The following LRRTM4 variants were observed in gnomAD, a reference collection of about 807,000 sequenced individuals.
The protein encoded by LRRTM4 is leucine-rich repeat transmembrane neuronal protein 4.
LRRTM4 carries 25 observed loss-of-function variants against 47.6 expected under a neutral mutation model. That is an observed-to-expected ratio of 0.53 (90% CI 0.38 to 0.73). LRRTM4 has a LOEUF of 0.73. Among genes scored for constraint, LRRTM4 ranks in the 30% least tolerant of loss-of-function variants. LRRTM4 has a pLI of 0.00. For missense variants in LRRTM4, 638 were observed against 713.4 expected, an observed-to-expected ratio of 0.89 and a Z score of 1.20; for synonymous variants, 311 against 269.5, an observed-to-expected ratio of 1.15 and a Z score of -1.51.
chr2:76,997,493 GA>G (rs1031131432), intron 3 of LRRTM4, among the ~76,000 whole-genome samples: 7 of 152,054 alleles, frequency 4.6e-5, no homozygotes, highest in African/African-American at 1.7e-4. Context: ...AAAATGGTGT[GA>G]CAAAATTGAG....
chr2:77,333,965 A>C (rs761014538), intron 3 of LRRTM4, among the ~76,000 whole-genome samples: 77 of 152,304 alleles, frequency 5.1e-4, no homozygotes, highest in South Asian at 1.2e-3. Context: ...TTGCATCAAC[A>C]TGACCTGAAT....
intron 3 of LRRTM4, among the ~76,000 whole-genome samples, chr2:76,834,189 C>T (rs56241808): frequency 0.27 from 40,803 of 150,390 alleles, 5,884 homozygotes; most frequent in East Asian, 0.41. Context: ...TACAGGTGCC[C>T]GCCAGCATGC....
intron 3 of LRRTM4, among the ~76,000 whole-genome samples, chr2:77,411,158 C>A (rs1674405168): frequency 1.3e-5 from 2 of 152,042 alleles, no homozygotes; most frequent in African/African-American, 4.8e-5. Flanking sequence ...CAGATTCAGG[C>A]CCCTTCTTCA....
chr2:77,240,350 C>T (rs1051493995), intron 3 of LRRTM4, among the ~76,000 whole-genome samples: 1 of 151,918 alleles, frequency 6.6e-6, no homozygotes, highest in Non-Finnish European at 1.5e-5. Context: ...CCAAGTTAAA[C>T]ATCAATTCAT....
chr2:76,978,171 T>C (rs1446714), intron 3 of LRRTM4, among the ~76,000 whole-genome samples: 63,027 of 151,790 alleles, frequency 0.42, 15,996 homozygotes, highest in African/African-American at 0.71. Flanking sequence ...TTCTCCCCCT[T>C]GGCCTACAAA....
chr2:76,761,760 T>A (rs972248030), intron 3 of LRRTM4, among the ~76,000 whole-genome samples: 3 of 152,108 alleles, frequency 2.0e-5, no homozygotes, highest in Non-Finnish European at 4.4e-5. Context: ...AGCGATAAAT[T>A]TAAAGGAAAA....
intron 3 of LRRTM4, among the ~76,000 whole-genome samples, chr2:77,111,562 G>A (rs1297660443): frequency 6.6e-6 from 1 of 152,060 alleles, no homozygotes; most frequent in African/African-American, 2.4e-5. Context: ...TATGAGTAGG[G>A]TGACAAAGTC....
intron 3 of LRRTM4, among the ~76,000 whole-genome samples, chr2:77,071,942 G>A (rs1680167910): frequency 6.6e-6 from 1 of 152,112 alleles, no homozygotes; most frequent in South Asian, 2.1e-4. Context: ...GTGGTATAAA[G>A]TATGAGAATT....
intron 3 of LRRTM4, among the ~76,000 whole-genome samples, chr2:77,485,705 A>AGGAGGCT (rs1437928561): frequency 1.3e-4 from 20 of 152,274 alleles, no homozygotes; most frequent in African/African-American, 4.8e-4. Context: ...CTTCTCTCAT[A>AGGAGGCT]CACTTCTTCA....
intron 3 of LRRTM4, among the ~76,000 whole-genome samples, chr2:77,511,761 T>G: frequency 6.6e-6 from 1 of 152,092 alleles, no homozygotes; most frequent in East Asian, 1.9e-4. Flanking sequence ...TTAAATATTT[T>G]ATTAATATGT....
intron 3 of LRRTM4, among the ~76,000 whole-genome samples, chr2:76,933,535 G>A (rs1674842695): frequency 6.6e-6 from 1 of 152,000 alleles, no homozygotes; most frequent in South Asian, 2.1e-4. Context: ...TTTTAGAATT[G>A]TTTACTAAAG....
intron 3 of LRRTM4, among the ~76,000 whole-genome samples, chr2:77,437,811 C>A (rs1030470290): frequency 6.6e-6 from 1 of 151,908 alleles, no homozygotes; most frequent in Non-Finnish European, 1.5e-5. Flanking sequence ...TAAATAAAGA[C>A]CTATTTGCTG....
intron 3 of LRRTM4, among the ~76,000 whole-genome samples, chr2:76,971,904 C>T (rs1280848913): frequency 6.6e-6 from 1 of 151,918 alleles, no homozygotes; most frequent in African/African-American, 2.4e-5. Flanking sequence ...TAGTTATTTG[C>T]TTCTCTATAA....
intron 3 of LRRTM4, among the ~76,000 whole-genome samples, chr2:77,070,488 G>C (rs1680115426): frequency 6.8e-6 from 1 of 146,986 alleles, no homozygotes; most frequent in East Asian, 2.3e-4. Context: ...TTGCAGAAAA[G>C]CAAACTAAAA....
chr2:77,489,322 C>G (rs1294385859), intron 3 of LRRTM4, among the ~76,000 whole-genome samples: 1 of 152,128 alleles, frequency 6.6e-6, no homozygotes, highest in Non-Finnish European at 1.5e-5. Context: ...TGCAATTTAC[C>G]AACCATTTAT....
chr2:77,393,633 G>T (rs377041067), intron 3 of LRRTM4, among the ~76,000 whole-genome samples: 4 of 152,016 alleles, frequency 2.6e-5, no homozygotes, highest in Admixed American at 2.6e-4. Context: ...CTGTGATCAG[G>T]TTTGTTTTTT....
At chr2:77,287,554 T>C (rs1676699588) in intron 3 of LRRTM4, among the ~76,000 whole-genome samples, 1 of 151,884 alleles carries the variant, frequency 6.6e-6, no homozygotes, top group Admixed American at 6.6e-5. Flanking sequence ...ATTCCAGAAA[T>C]AAAGAATTCA....
intron 3 of LRRTM4, among the ~76,000 whole-genome samples, chr2:77,047,599 G>A (rs1333647673): frequency 6.6e-6 from 1 of 151,950 alleles, no homozygotes; most frequent in Non-Finnish European, 1.5e-5. Flanking sequence ...CCCTGTGTGT[G>A]TGTTTCTGCT....
intron 3 of LRRTM4, among the ~76,000 whole-genome samples, chr2:77,426,828 CAT>C (rs1491096213): frequency 8.0e-5 from 11 of 137,160 alleles, no homozygotes; most frequent in Non-Finnish European, 1.3e-4. Flanking sequence ...CACACACACA[CAT>C]GCACACACAC....
Sources: gnomAD v4.1 joint callset for allele counts (sites outside exome capture counted in the v4.1 genomes callset) on GRCh38, gnomAD v4.1.1 for gene constraint, MANE v1.5 for transcripts, NCBI Gene and HGNC (gene_info 2026-07-23, HGNC 2026-07-21) for gene names.